The following CADM2 variants were observed in gnomAD, a reference collection of about 807,000 sequenced individuals.
The protein encoded by CADM2 is immunoglobulin superfamily member 4D.
Under a neutral mutation model 49.8 loss-of-function variants are expected in CADM2, and 12 were observed. The ratio of observed to expected loss-of-function variants is 0.24; its 90% CI spans 0.15 to 0.39. The LOEUF is 0.39. CADM2 is among the 10% of genes least tolerant of loss of function. The pLI, the probability that CADM2 is intolerant of heterozygous loss-of-function variation, is 1.00. For synonymous variants in CADM2, 214 were observed against 175.4 expected (o/e 1.22, Z -1.74); for missense variants, 378 against 492.3 (o/e 0.77, Z 2.20).
rs543718600 is a variant in CADM2 at position 85,006,972 on chromosome 3, C to A, written c.61+47304C>A. Among the ~76,000 whole-genome samples, 9 of 152,120 alleles carry A rather than the reference C, an allele frequency of 5.9e-5. No individual in the cohort carries two copies. The South Asian group carries it at 1.7e-3, about 28-fold the overall frequency. On this transcript the variant is annotated intron_variant, in intron 1 of 9. Coordinates refer to ENST00000383699, the MANE Select transcript of CADM2 (RefSeq NM_001167675.2). ...GTATTTTCCATCTGCCAATTAATGT[C>A]CAATAAAATGTTGCTTAGATTTAAA... is the stretch of plus-strand genomic sequence containing the variant.
chr3:85,077,136 T>A (rs962615677), intron 1 of CADM2, among the ~76,000 whole-genome samples: 1 of 152,174 alleles, frequency 6.6e-6, no homozygotes, highest in Non-Finnish European at 1.5e-5. Context: ...GAATTATTAA[T>A]AGATCAAAGT....
In CADM2 at chr3:86,036,966, T is replaced by C. The variant is rs534815564; in HGVS notation, c.971-28639T>C. 2.6e-5 allele frequency among the ~76,000 whole-genome samples: 4 copies of C among 152,302 alleles called. No individual in the cohort carries two copies. In the South Asian group the frequency reaches 6.2e-4, roughly 24 times the overall value. ...TTATTATCTGCCAAAATCTTAGTTC[T>C]GGTGCTTTTATTCTGCATTTCATAT... is the stretch of plus-strand genomic sequence containing the variant. On this transcript the variant is annotated intron_variant, in intron 8 of 9. Coordinates refer to ENST00000383699, the MANE Select transcript of CADM2 (RefSeq NM_001167675.2).
At chr3:85,769,632 T>C (rs895044763) in intron 2 of CADM2, among the ~76,000 whole-genome samples, 12 of 141,904 alleles carry the variant, frequency 8.5e-5, no homozygotes, top group Admixed American at 5.3e-4. Flanking sequence ...AGTATATATA[T>C]ACACATATAT....
intron 1 of CADM2, among the ~76,000 whole-genome samples, chr3:85,442,357 T>A (rs1036156881): frequency 1.8e-4 from 27 of 151,918 alleles, no homozygotes; most frequent in African/African-American, 6.3e-4. Context: ...TACTTCTGTA[T>A]CACTTGATTG....
At chr3:85,281,623 T>C (rs1039831466) in intron 1 of CADM2, among the ~76,000 whole-genome samples, 5 of 152,070 alleles carry the variant, frequency 3.3e-5, no homozygotes, top group Non-Finnish European at 5.9e-5. Flanking sequence ...GCTGAAATAT[T>C]ATAGTGTTTT....
chr3:85,168,853 A>AT (rs753850470), intron 1 of CADM2, among the ~76,000 whole-genome samples: 94 of 152,150 alleles, frequency 6.2e-4, no homozygotes, highest in Non-Finnish European at 1.1e-3. Context: ...ATATTTGTCT[A>AT]TTTTTTGGCA....
At chr3:85,850,921 C>G (rs1441944295) in intron 3 of CADM2, among the ~76,000 whole-genome samples, 1 of 152,032 alleles carries the variant, frequency 6.6e-6, no homozygotes, top group African/African-American at 2.4e-5. Context: ...TACTGGATGC[C>G]GAGACCTCTA....
chr3:85,271,761 T>C (rs2043248616), intron 1 of CADM2, among the ~76,000 whole-genome samples: 2 of 151,118 alleles, frequency 1.3e-5, no homozygotes, highest in Admixed American at 1.3e-4. Flanking sequence ...TTTTCAGAAC[T>C]GTATTTCACC....
At chr3:85,944,651 A>G (rs1722405952) in intron 7 of CADM2, among the ~76,000 whole-genome samples, 1 of 152,006 alleles carries the variant, frequency 6.6e-6, no homozygotes, top group Admixed American at 6.6e-5. Flanking sequence ...TGGAAACTGA[A>G]CAAACAACCT....
chr3:85,085,448 T>C (rs979670118), intron 1 of CADM2, among the ~76,000 whole-genome samples: 5 of 152,086 alleles, frequency 3.3e-5, no homozygotes, highest in Non-Finnish European at 7.4e-5. Flanking sequence ...ATGTATTACA[T>C]ATAAATATGT....
chr3:84,960,735 G>C (rs1426510586), intron 1 of CADM2, among the ~76,000 whole-genome samples: 1 of 152,152 alleles, frequency 6.6e-6, no homozygotes, highest in Admixed American at 6.5e-5. Flanking sequence ...CTTTTCTCCA[G>C]ACCCTCTTTT....
At chr3:85,012,814 T>A (rs568493677) in intron 1 of CADM2, among the ~76,000 whole-genome samples, 4 of 151,708 alleles carry the variant, frequency 2.6e-5, no homozygotes, top group Non-Finnish European at 5.9e-5. Flanking sequence ...AAAATCCTAG[T>A]ATCATAGTAT....
At chr3:85,807,499 C>CA (rs60644652) in intron 3 of CADM2, among the ~76,000 whole-genome samples, 38,645 of 81,764 alleles carry the variant, frequency 0.47, 9,141 homozygotes, top group East Asian at 0.69. Flanking sequence ...AACTCCGTCT[C>CA]AAAAAAAAAA....
intron 1 of CADM2, among the ~76,000 whole-genome samples, chr3:85,020,014 G>A (rs567933790): frequency 5.9e-5 from 9 of 152,076 alleles, no homozygotes; most frequent in Non-Finnish European, 1.2e-4. Context: ...ATCTTCATAT[G>A]ATATGAATTC....
At chr3:85,333,499 A>T (rs1265395767) in intron 1 of CADM2, among the ~76,000 whole-genome samples, 1 of 151,772 alleles carries the variant, frequency 6.6e-6, no homozygotes, top group East Asian at 1.9e-4. Flanking sequence ...TGTGTATCTA[A>T]CTGACCACTT....
At chr3:85,938,219 A>G (rs2108544810) in intron 7 of CADM2, among the ~76,000 whole-genome samples, 1 of 152,210 alleles carries the variant, frequency 6.6e-6, no homozygotes, top group Non-Finnish European at 1.5e-5. Context: ...TGTAGTTTAT[A>G]TACTATTTCC....
chr3:85,627,833 A>G (rs567813641), intron 1 of CADM2, among the ~76,000 whole-genome samples: 3 of 152,078 alleles, frequency 2.0e-5, no homozygotes, highest in Non-Finnish European at 4.4e-5. Flanking sequence ...TTTATTGAAG[A>G]TACAAGGTAG....
intron 1 of CADM2, among the ~76,000 whole-genome samples, chr3:85,086,907 C>G (rs1412750802): frequency 6.6e-6 from 1 of 152,092 alleles, no homozygotes; most frequent in Non-Finnish European, 1.5e-5. Flanking sequence ...GCTTTCATAG[C>G]AATATTTTGT....
intron 1 of CADM2, among the ~76,000 whole-genome samples, chr3:85,039,076 G>T (rs940013170): frequency 6.6e-6 from 1 of 152,134 alleles, no homozygotes; most frequent in African/African-American, 2.4e-5. Context: ...GCCAATAAAT[G>T]GTGCAATCTC....
Sources: gnomAD v4.1 joint callset for allele counts (sites outside exome capture counted in the v4.1 genomes callset) on GRCh38, gnomAD v4.1.1 for gene constraint, MANE v1.5 for transcripts, NCBI Gene and HGNC (gene_info 2026-07-23, HGNC 2026-07-21) for gene names.